GOLGA1: variants seen among roughly 807,000 people sequenced by gnomAD.
GOLGA1 encodes golgin A1, also known as golgin subfamily A member 1.
Under a neutral mutation model 119.7 loss-of-function variants are expected in GOLGA1, and 63 were observed. The ratio of observed to expected loss-of-function variants is 0.53; its 90% CI spans 0.43 to 0.65. The LOEUF is 0.65. GOLGA1 is among the 30% of genes least tolerant of loss of function. The pLI is 0.00. For synonymous variants in GOLGA1, 318 were observed against 333.4 expected, an observed-to-expected ratio of 0.95 and a Z score of 0.50; for missense variants, 798 against 912.8, an observed-to-expected ratio of 0.87 and a Z score of 1.62.
chr9:124,883,632 G>A (rs1296935234), intron 19 of GOLGA1, among the ~76,000 whole-genome samples: 1 of 151,636 alleles, frequency 6.6e-6, no homozygotes, highest in East Asian at 1.9e-4. Flanking sequence ...ATTTTTAGTA[G>A]AGACAGGGTT....
intron 15 of GOLGA1, among the ~76,000 whole-genome samples, chr9:124,893,202 C>T (rs187729785): frequency 3.3e-5 from 5 of 152,180 alleles, no homozygotes; most frequent in Non-Finnish European, 7.4e-5. Flanking sequence ...TAAAAATACC[C>T]ATCCCCCAGA....
chr9:124,886,334 AGAG>A (rs1829719825), intron 19 of GOLGA1, among the ~76,000 whole-genome samples: 1 of 152,198 alleles, frequency 6.6e-6, no homozygotes, highest in Non-Finnish European at 1.5e-5. Context: ...CTGGCCTGTC[AGAG>A]GAGACGGAGA....
chr9:124,926,837 G>A, intron 6 of GOLGA1, 96 bp from the exon 7 acceptor site: 14 of 615,766 alleles, frequency 2.3e-5, no homozygotes, highest in South Asian at 8.0e-5. Flanking sequence ...TTCCCAGAAA[G>A]CAACTAACCA....
At chr9:124,903,697 C>T (rs944234406) in intron 12 of GOLGA1, among the ~76,000 whole-genome samples, 5 of 141,594 alleles carry the variant, frequency 3.5e-5, no homozygotes, top group African/African-American at 1.3e-4. Flanking sequence ...AAGTGTTCAT[C>T]AATGAATGAA....
chr9:124,915,435 T>C (rs181056229), intron 10 of GOLGA1, among the ~76,000 whole-genome samples: 1 of 152,342 alleles, frequency 6.6e-6, no homozygotes. Flanking sequence ...ATTTAGTCTA[T>C]ACAACTGGCC....
intron 3 of GOLGA1, among the ~76,000 whole-genome samples, chr9:124,937,232 T>A (rs1389704159): frequency 6.6e-6 from 1 of 152,078 alleles, no homozygotes; most frequent in Non-Finnish European, 1.5e-5. Flanking sequence ...CGCGGGAGGA[T>A]CACGAGGTCA....
At chr9:124,887,562 A>G (rs979104267) in intron 19 of GOLGA1, 1 of 152,060 alleles carries the variant, frequency 6.6e-6, no homozygotes, top group African/African-American at 2.4e-5. Flanking sequence ...TGTATTTTAT[A>G]TTAGACATAA....
At position 124,881,317 on chromosome 9, in the gene GOLGA1, G is replaced by A. The variant is rs779739944; in HGVS notation, c.2137-60C>T. Reference sequence around the variant, plus strand: ...GGTGAAGGTGAGGCGGGGTGGGGTCGGGGGAGCTACGTGGCATTTCCTGCT... The same window carrying A: ...GGTGAAGGTGAGGCGGGGTGGGGTCAGGGGAGCTACGTGGCATTTCCTGCT... On this transcript the variant is annotated intron_variant, in intron 21 of 22. Coordinates refer to ENST00000373555, the MANE Select transcript of GOLGA1 (RefSeq NM_002077.4). The surrounding 1 kb of genome is among the most constrained non-coding windows in gnomAD (Gnocchi z 4.9). The A allele has an allele frequency of 2.5e-5, 24 of 943,782 alleles. No individual in the cohort carries two copies. The highest frequency in any genetic ancestry group is 9.6e-5 in the African/African-American group (6 of 62,192). The allele number at this position is 943,782 out of a possible 1,614,324, so 58.5% of individuals were successfully genotyped here.
Position 124,916,120 on chromosome 9 carries a change from A to AATAC in GOLGA1, c.844-4095_844-4094insGTAT, listed in dbSNP as rs1177680278. ...GTATCTCTAAATAAATAAATAAATA[A>AATAC]ATAAATAAATACATAAATATACTTA... On this transcript the variant is annotated intron_variant, in intron 10 of 22. Coordinates refer to ENST00000373555, the MANE Select transcript of GOLGA1 (RefSeq NM_002077.4). Among the ~76,000 whole-genome samples, 3 of 151,050 alleles carry AATAC rather than the reference A, an allele frequency of 2.0e-5. No homozygotes were observed. In the South Asian group the frequency reaches 6.3e-4, roughly 32 times the overall value.
chr9:124,941,675 G>A (rs1439012868), upstream of GOLGA1, among the ~76,000 whole-genome samples: 2 of 152,204 alleles, frequency 1.3e-5, no homozygotes, highest in East Asian at 3.9e-4. Context: ...ATAACGTCCA[G>A]CAGAACCACG....
intron 10 of GOLGA1, among the ~76,000 whole-genome samples, chr9:124,912,451 T>C (rs1339887388): frequency 6.6e-6 from 1 of 152,174 alleles, no homozygotes; most frequent in Non-Finnish European, 1.5e-5. Context: ...AATGATGAGA[T>C]TCACCTGGCT....
intron 15 of GOLGA1, 81 bp downstream of exon 15, chr9:124,898,468 G>A (rs1035133011): frequency 1.6e-5 from 13 of 806,718 alleles, no homozygotes; most frequent in African/African-American, 6.8e-5. Context: ...TGTACTGTAA[G>A]TATGAGAAGT....
At position 124,881,635 on chromosome 9, in the gene GOLGA1, A is replaced by G. The variant is rs1829584011; in HGVS notation, c.2136+149T>C. 2 of 676,586 alleles carry G rather than the reference A, an allele frequency of 3.0e-6. No homozygotes were observed. Among genetic ancestry groups the G allele is most frequent in the Admixed American group, 2.6e-5 (1 of 39,064 alleles). 41.9% of individuals were successfully genotyped at this position (676,586 alleles called of 1,614,324 possible). A position where few individuals can be genotyped will look rare whatever the true frequency, so the allele number is the denominator to read the frequency against. On this transcript the variant is annotated intron_variant, in intron 21 of 22. Coordinates refer to ENST00000373555, the MANE Select transcript of GOLGA1 (RefSeq NM_002077.4). The surrounding 1 kb of genome is among the most constrained non-coding windows in gnomAD (Gnocchi z 4.9). ...CGCCAGCCGCTCACTCCGCAGGCCAACGCCAGCAGGAGAAATGACTGGGTG... is the reference window on the plus strand; with the variant it reads ...CGCCAGCCGCTCACTCCGCAGGCCAGCGCCAGCAGGAGAAATGACTGGGTG...
chr9:124,941,004 C>T lies in GOLGA1; in HGVS notation c.-239G>A, dbSNP rs1047731947. On this transcript the variant is annotated 5_prime_UTR_variant, in exon 1 of 23. Coordinates refer to ENST00000373555, the MANE Select transcript of GOLGA1 (RefSeq NM_002077.4). ...CTCTGGGAAGCCAGCAAAGCCCCGC[C>T]TCCCGGGCCTCTCGTGAGCCCCGGC... 6.6e-6 allele frequency: 1 copy of T among 152,450 alleles called. No homozygotes were observed. Among genetic ancestry groups the T allele is most frequent in the Non-Finnish European group, 1.5e-5 (1 of 68,216 alleles). 9.4% of individuals were successfully genotyped at this position (152,450 alleles called of 1,614,324 possible).
intron 10 of GOLGA1, among the ~76,000 whole-genome samples, chr9:124,917,030 A>T (rs934612487): frequency 6.6e-6 from 1 of 152,148 alleles, no homozygotes; most frequent in Non-Finnish European, 1.5e-5. Flanking sequence ...TCAGGAGTGC[A>T]ATGTTGAGCA....
At chr9:124,900,286 T>C (rs1171256996) in intron 13 of GOLGA1, 166 bp downstream of exon 13, 1 of 499,744 alleles carries the variant, frequency 2.0e-6, no homozygotes, top group Non-Finnish European at 3.6e-6. Flanking sequence ...AGGTCCTGAC[T>C]CCCTCCACCC....
intron 12 of GOLGA1, among the ~76,000 whole-genome samples, chr9:124,901,517 C>T (rs1419476076): frequency 4.6e-5 from 7 of 151,278 alleles, no homozygotes; most frequent in Non-Finnish European, 1.0e-4. Flanking sequence ...TCACTGTAAC[C>T]TCCACCTCCT....
Position 124,894,900 on chromosome 9 carries a change from C to T in GOLGA1, c.1407+3649G>A, listed in dbSNP as rs114893429. Among the ~76,000 whole-genome samples the T allele has an allele frequency of 4.4e-3, 675 of 151,976 alleles. 3 individuals are homozygous for T. Among genetic ancestry groups the T allele is most frequent in the African/African-American group, 0.015 (635 of 41,422 alleles). ...AACAGAGAACCTCCACAACAGAGAC[C>T]CATCCAAAACAGAGAACCATCCACA... is the stretch of plus-strand genomic sequence containing the variant. On this transcript the variant is annotated intron_variant, in intron 15 of 22. Transcript: ENST00000373555.
rs1482177690 is a variant in GOLGA1 at position 124,881,215 on chromosome 9, A to C, written c.2179T>G (p.Ser727Ala). 3 of 1,605,474 alleles carry C rather than the reference A, an allele frequency of 1.9e-6. No individual in the cohort carries two copies. Among genetic ancestry groups the C allele is most frequent in the East Asian group, 2.2e-5 (1 of 44,842 alleles). ...TTGAGCATGTTCTCCTCCTCTTGGG[A>C]AAAGTTCAGCAACACTGACACAGCT... is the stretch of plus-strand genomic sequence containing the variant. ...IKAVSVLLNF[S>A]QEEENMLKET... The change falls in exon 22 of 23, where the codon TCC (serine) becomes GCC (alanine). Residue 727 changes from serine to alanine, a missense_variant. Ser to Ala is a moderately conservative substitution (Grantham distance 99). Coordinates refer to ENST00000373555, the MANE Select transcript of GOLGA1 (RefSeq NM_002077.4). This position sits in a 1 kb window ranked among gnomAD's most constrained non-coding sequence, Gnocchi z 4.9.
Sources: allele counts gnomAD v4.1 joint callset (sites outside exome capture counted in the v4.1 genomes callset), GRCh38; gene constraint gnomAD v4.1.1; non-coding constraint Gnocchi (gnomAD v3.1); transcripts MANE v1.5; gene names NCBI Gene and HGNC (gene_info 2026-07-23, HGNC 2026-07-21).